Variants in AMPH observed in about 807,000 individuals in gnomAD.
The protein encoded by AMPH is amphiphysin.
AMPH carries 49 observed loss-of-function variants against 99.1 expected under a neutral mutation model. The ratio of observed to expected loss-of-function variants is 0.49; its 90% confidence interval spans 0.39 to 0.63. AMPH has a LOEUF of 0.63. Ranked by LOEUF, AMPH falls within the 20% of genes least tolerant of loss-of-function variation. AMPH has a pLI of 0.00. For missense variants in AMPH, 759 were observed against 863.4 expected (o/e 0.88, Z 1.52); for synonymous variants, 314 against 317.3 (o/e 0.99, Z 0.11).
chr7:38,441,693 A>G (rs111771295), intron 11 of AMPH, among the ~76,000 whole-genome samples: 2 of 150,470 alleles, frequency 1.3e-5, no homozygotes, highest in African/African-American at 4.9e-5. Context: ...TGGAATCAAC[A>G]TAACTACCTA....
At chr7:38,482,264 A>G (rs907063946) in intron 5 of AMPH, among the ~76,000 whole-genome samples, 8 of 152,098 alleles carry the variant, frequency 5.3e-5, no homozygotes, top group African/African-American at 1.9e-4. Flanking sequence ...TTTCCATGAT[A>G]CATAGAAAAC....
At chr7:38,516,846 G>A (rs549809007) in intron 2 of AMPH, among the ~76,000 whole-genome samples, 83 of 152,332 alleles carry the variant, frequency 5.4e-4, no homozygotes, top group East Asian at 1.7e-3. Context: ...TGTCAGTGTC[G>A]CCTGAATATG....
At chr7:38,591,671 C>T (rs182644484) in intron 1 of AMPH, among the ~76,000 whole-genome samples, 12 of 152,264 alleles carry the variant, frequency 7.9e-5, no homozygotes, top group Admixed American at 3.9e-4. Context: ...TTCCCCCAAA[C>T]CTTATCATCC....
At chr7:38,595,608 A>G (rs1441706595) in intron 1 of AMPH, among the ~76,000 whole-genome samples, 1 of 152,178 alleles carries the variant, frequency 6.6e-6, no homozygotes, top group South Asian at 2.1e-4. Flanking sequence ...GGTTACATGT[A>G]CAGGTTTTTT....
At position 38,463,185 on chromosome 7, in the gene AMPH, T is replaced by C. The variant is rs189250759; in HGVS notation, c.750-72A>G. 21 of 1,603,966 alleles carry C rather than the reference T, an allele frequency of 1.3e-5. No individual in the cohort carries two copies. The African/African-American group carries it at 2.5e-4, about 19-fold the overall frequency. On this transcript the variant is annotated intron_variant, in intron 9 of 20. Coordinates refer to ENST00000356264, the MANE Select transcript of AMPH (RefSeq NM_001635.4). The stretch of plus-strand genomic sequence containing the variant: ...ATTCATCTAATCAGGGGTTTTCCAT[T>C]TCAGAGAAACCCAGAAGCCTAACAG...
At chr7:38,456,723 T>A (rs532855495) in intron 11 of AMPH, among the ~76,000 whole-genome samples, 138 of 152,294 alleles carry the variant, frequency 9.1e-4, no homozygotes, top group African/African-American at 3.2e-3. Flanking sequence ...TTTGAGAACC[T>A]GACCACACAC....
At chr7:38,456,382 C>G (rs1436816091) in intron 11 of AMPH, among the ~76,000 whole-genome samples, 1 of 152,218 alleles carries the variant, frequency 6.6e-6, no homozygotes, top group African/African-American at 2.4e-5. Flanking sequence ...ATGTCACAAC[C>G]AGTGTCAATG....
intron 11 of AMPH, among the ~76,000 whole-genome samples, chr7:38,453,354 A>C (rs1787106282): frequency 6.6e-6 from 1 of 152,210 alleles, no homozygotes; most frequent in Non-Finnish European, 1.5e-5. Context: ...GGGGTTATGC[A>C]TAAAGCACTA....
chr7:38,564,974 A>C lies in AMPH; in HGVS notation c.70-29963T>G, dbSNP rs186321409. On this transcript the variant is annotated intron_variant, in intron 1 of 20. Coordinates refer to ENST00000356264, the MANE Select transcript of AMPH (RefSeq NM_001635.4). ...CCTGTCTCTACTAAAAATACAAAAA[A>C]TTAGCCGGGCGTGGTGGCGGGTGCC... 7.6e-3 allele frequency among the ~76,000 whole-genome samples: 1,154 copies of C among 152,096 alleles called. 13 individuals are homozygous for C. The highest frequency in any genetic ancestry group is 0.026 in the African/African-American group (1,087 of 41,500).
At chr7:38,434,605 G>A (rs1786184476) in intron 12 of AMPH, among the ~76,000 whole-genome samples, 1 of 152,238 alleles carries the variant, frequency 6.6e-6, no homozygotes, top group East Asian at 1.9e-4. Flanking sequence ...CAGTCGTGGT[G>A]GCAGGCGCCT....
intron 7 of AMPH, among the ~76,000 whole-genome samples, chr7:38,470,421 A>G (rs1447090237): frequency 6.6e-6 from 1 of 151,994 alleles, no homozygotes; most frequent in Non-Finnish European, 1.5e-5. Context: ...ATGCCTCTTT[A>G]GTCCTCATCT....
In AMPH at chr7:38,590,550, G is replaced by T. The variant is rs796545995; in HGVS notation, c.69+40733C>A. Among the ~76,000 whole-genome samples the T allele has an allele frequency of 4.6e-5, 7 of 152,328 alleles. 1 individual carries two copies. The East Asian group carries it at 5.8e-4, about 13-fold the overall frequency. ...CCCACTCCCGGCTCGAATGCCTGGG[G>T]TTTATATCCCAATCATTGTCCCTCC... On this transcript the variant is annotated intron_variant, in intron 1 of 20. Coordinates refer to ENST00000356264, the MANE Select transcript of AMPH (RefSeq NM_001635.4).
intron 16 of AMPH, 110 bp from the exon 17 acceptor site, chr7:38,418,060 G>T: frequency 7.9e-7 from 1 of 1,270,152 alleles, no homozygotes; most frequent in Admixed American, 2.4e-5. Flanking sequence ...TAGGCAACTA[G>T]CTTCATGAAA....
chr7:38,526,061 T>C (rs2129036819), intron 2 of AMPH, among the ~76,000 whole-genome samples: 1 of 152,288 alleles, frequency 6.6e-6, no homozygotes, highest in South Asian at 2.1e-4. Context: ...TTTCACACAA[T>C]GTATGAGTGA....
intron 2 of AMPH, among the ~76,000 whole-genome samples, chr7:38,511,159 A>C (rs533859912): frequency 2.6e-5 from 4 of 152,342 alleles, no homozygotes; most frequent in Middle Eastern, 3.4e-3. Flanking sequence ...TGCCTGGCAC[A>C]TATCATGCAC....
chr7:38,489,631 G>A (rs1429378764), intron 5 of AMPH, among the ~76,000 whole-genome samples: 1 of 152,008 alleles, frequency 6.6e-6, no homozygotes, highest in East Asian at 1.9e-4. Flanking sequence ...GTTTGATGAG[G>A]AGTTAATTTC....
chr7:38,494,620 G>A (rs1788857959), intron 3 of AMPH, 93 bp from the exon 4 acceptor site: 1 of 1,104,550 alleles, frequency 9.1e-7, no homozygotes, highest in South Asian at 1.3e-5. Flanking sequence ...GAAAAATATT[G>A]TACTTGCTAA....
chr7:38,535,116 G>T, intron 1 of AMPH, 105 bp from the exon 2 acceptor site: 1 of 926,110 alleles, frequency 1.1e-6, no homozygotes, highest in Non-Finnish European at 1.7e-6. Flanking sequence ...CTGAGGAGTA[G>T]AGCAAAACTA....
intron 17 of AMPH, among the ~76,000 whole-genome samples, chr7:38,400,739 C>T (rs1173004742): frequency 6.6e-6 from 1 of 152,140 alleles, no homozygotes; most frequent in Non-Finnish European, 1.5e-5. Flanking sequence ...TACTTATTTG[C>T]TTGTTTTCTT....
Sources: allele counts gnomAD v4.1 joint callset (sites outside exome capture counted in the v4.1 genomes callset), GRCh38; gene constraint gnomAD v4.1.1; transcripts MANE v1.5; gene names NCBI Gene and HGNC (gene_info 2026-07-23, HGNC 2026-07-21).